Variants in ASRGL1 observed in about 807,000 individuals in gnomAD.
ASRGL1 encodes the protein asparaginase and isoaspartyl peptidase 1.
A neutral mutation model predicts 22.4 loss-of-function variants in ASRGL1; 16 were observed. That is an observed-to-expected ratio of 0.71 (90% CI 0.48 to 1.08). The LOEUF (loss-of-function observed/expected upper bound fraction) is 1.08, where lower values mean the gene tolerates loss of function less well. ASRGL1 is among the 50% of genes least tolerant of loss of function. The probability of loss-of-function intolerance (pLI) is 0.00; values close to 1 mark genes in which losing one functional copy is unlikely to be tolerated. For synonymous variants in ASRGL1, 165 were observed against 159.3 expected (o/e 1.04, Z -0.27); for missense variants, 412 against 410.1 (o/e 1.00, Z -0.04).
intron 4 of ASRGL1, among the ~76,000 whole-genome samples, chr11:62,359,758 G>A (rs1307555312): frequency 6.6e-6 from 1 of 152,030 alleles, no homozygotes; most frequent in African/African-American, 2.4e-5. Context: ...CTCCGTGTTA[G>A]CAACTACATG....
chr11:62,399,455 C>T, the ASRGL1 span, among the ~76,000 whole-genome samples: 1 of 152,204 alleles, frequency 6.6e-6, no homozygotes, highest in Non-Finnish European at 1.5e-5. Context: ...CTCCTTCAGA[C>T]AGGAAGCCTC....
chr11:62,360,016 TTTC>T (rs1170270184), intron 4 of ASRGL1, among the ~76,000 whole-genome samples: 1 of 151,110 alleles, frequency 6.6e-6, no homozygotes, highest in East Asian at 1.9e-4. Context: ...GTTTTTTGCT[TTTC>T]TTTTTTTTTT....
intron 4 of ASRGL1, among the ~76,000 whole-genome samples, chr11:62,363,079 G>A (rs1197601043): frequency 3.3e-5 from 5 of 149,914 alleles, no homozygotes; most frequent in African/African-American, 7.4e-5. Flanking sequence ...GACTACAGGC[G>A]CCCGCCACCA....
chr11:62,361,343 C>G lies in ASRGL1; in HGVS notation c.491+4199C>G, dbSNP rs144403258. Among the ~76,000 whole-genome samples, 833 of 152,118 alleles carry G rather than the reference C, an allele frequency of 5.5e-3. 4 individuals are homozygous for G. The highest frequency in any genetic ancestry group is 0.02 in the African/African-American group (810 of 41,496). ...AGTAGGTGGGACTACAGGCATGCAC[C>G]ATGCCTGGCTAATTTTATTTTTAGT... On this transcript the variant is annotated intron_variant, in intron 4 of 6. Transcript: ENST00000415229.
chr11:62,363,818 A>G (rs181044498), intron 4 of ASRGL1, among the ~76,000 whole-genome samples: 171 of 152,208 alleles, frequency 1.1e-3, no homozygotes, highest in African/African-American at 3.8e-3. Context: ...CTCAAGAAAG[A>G]TTGTCTTTTT....
chr11:62,350,192 A>ATG (rs1484080987), intron 2 of ASRGL1, among the ~76,000 whole-genome samples: 1 of 152,148 alleles, frequency 6.6e-6, no homozygotes, highest in Non-Finnish European at 1.5e-5. Flanking sequence ...ATCATACAGT[A>ATG]TGTGACCTTC....
intron 4 of ASRGL1, among the ~76,000 whole-genome samples, chr11:62,361,374 C>T (rs1051282507): frequency 1.3e-5 from 2 of 151,294 alleles, no homozygotes; most frequent in Non-Finnish European, 2.9e-5. Context: ...TTAGTAGAGA[C>T]GGGGTCTTGC....
At chr11:62,374,642 C>G (rs1946866328) in intron 4 of ASRGL1, among the ~76,000 whole-genome samples, 1 of 152,116 alleles carries the variant, frequency 6.6e-6, no homozygotes, top group African/African-American at 2.4e-5. Flanking sequence ...CCCAGTCGCT[C>G]CTTACCATGA....
intron 4 of ASRGL1, among the ~76,000 whole-genome samples, chr11:62,388,673 A>G (rs1225213181): frequency 6.6e-6 from 1 of 150,504 alleles, no homozygotes; most frequent in African/African-American, 2.4e-5. Context: ...TCATCTCAAA[A>G]AAAAAAAAAA....
chr11:62,345,242 CTGTATCACA>C (rs774325830), intron 2 of ASRGL1, among the ~76,000 whole-genome samples: 1 of 152,140 alleles, frequency 6.6e-6, no homozygotes, highest in Non-Finnish European at 1.5e-5. Flanking sequence ...AGTGGGATTG[CTGTATCACA>C]TGGTAGCTGT....
At chr11:62,347,238 T>C (rs1481996051) in intron 2 of ASRGL1, among the ~76,000 whole-genome samples, 4 of 152,230 alleles carry the variant, frequency 2.6e-5, no homozygotes, top group Non-Finnish European at 5.9e-5. Flanking sequence ...TAGTCCTCAG[T>C]AAGATTTCTA....
chr11:62,349,803 A>G (rs1590710647), intron 2 of ASRGL1, among the ~76,000 whole-genome samples: 1 of 152,136 alleles, frequency 6.6e-6, no homozygotes, highest in South Asian at 2.1e-4. Flanking sequence ...CTGGTTGCCC[A>G]TTTTTATGGT....
rs186407204 is a variant in ASRGL1 at position 62,373,377 on chromosome 11, T to C, written c.492-15756T>C. ...TCTGTTTGCTTTCCAAAGACCCTTT[T>C]TTCCTCTTAATGTCGAATTAAAATA... On this transcript the variant is annotated intron_variant, in intron 4 of 6. Transcript: ENST00000415229. Among the ~76,000 whole-genome samples, 37 of 152,304 alleles carry C rather than the reference T, an allele frequency of 2.4e-4. No homozygotes were observed. In the East Asian group the frequency reaches 6.8e-3, roughly 28 times the overall value.
In ASRGL1 at chr11:62,389,204, G is replaced by T. The variant is rs780238322; in HGVS notation, c.563G>T (p.Gly188Val). 6.2e-7 allele frequency: 1 copy of T among 1,614,016 alleles called. No homozygotes were observed. Among genetic ancestry groups the T allele is most frequent in the Non-Finnish European group, 8.5e-7 (1 of 1,180,042 alleles). ...GTAGCCTACGCAACCTCCACAGGCG[G>T]TATCGTTAATAAAATGGTCGGCCGC... ...GNVAYATSTG[G>V]IVNKMVGRVG... The change falls in exon 5 of 7, where the codon GGT becomes GTT. Residue 188 changes from glycine (G) to valine (V), a missense_variant. Gly to Val is a moderately radical substitution (Grantham distance 109). Transcript: ENST00000415229.
chr11:62,373,672 G>C (rs1295991234), intron 4 of ASRGL1, among the ~76,000 whole-genome samples: 2 of 152,208 alleles, frequency 1.3e-5, no homozygotes, highest in Non-Finnish European at 2.9e-5. Flanking sequence ...GAAGCATCCG[G>C]GTCACTCCTT....
At chr11:62,343,842 T>TA (rs1465346872) in intron 2 of ASRGL1, among the ~76,000 whole-genome samples, 1 of 151,920 alleles carries the variant, frequency 6.6e-6, no homozygotes, top group African/African-American at 2.4e-5. Context: ...AATGGAATCT[T>TA]ACGATGTTGA....
At chr11:62,383,502 C>G (rs1020523292) in intron 4 of ASRGL1, among the ~76,000 whole-genome samples, 7 of 141,816 alleles carry the variant, frequency 4.9e-5, no homozygotes, top group African/African-American at 8.0e-5. Flanking sequence ...ACTCGGGAGG[C>G]TGAGGCAGGA....
At chr11:62,357,224 CTTTTGTTTTGTTTTGTTTTG>C (rs58891136) in intron 4 of ASRGL1, 80 bp downstream of exon 4, 4 of 726,854 alleles carry the variant, frequency 5.5e-6, no homozygotes, top group African/African-American at 1.9e-5. Flanking sequence ...ATCTACAGTT[CTTTTGTTTTGTTTTGTTTTG>C]TTTTGTTTTG....
chr11:62,389,451 C>G (rs1312641408), intron 5 of ASRGL1, 200 bp downstream of exon 5: 31 of 665,502 alleles, frequency 4.7e-5, no homozygotes, highest in Middle Eastern at 2.4e-4. Context: ...GTATCTGGCG[C>G]CACTGTTTTT....
Sources: gnomAD v4.1 joint callset for allele counts (sites outside exome capture counted in the v4.1 genomes callset) on GRCh38, gnomAD v4.1.1 for gene constraint, MANE v1.5 for transcripts, NCBI Gene and HGNC (gene_info 2026-07-23, HGNC 2026-07-21) for gene names.